Variants in BBOX1 observed in about 807,000 individuals in gnomAD.
BBOX1 encodes gamma-butyrobetaine dioxygenase.
Under a neutral mutation model 41.6 loss-of-function variants are expected in BBOX1, and 35 were observed. That is an observed-to-expected ratio of 0.84 (90% CI 0.64 to 1.11). The LOEUF (loss-of-function observed/expected upper bound fraction) is 1.11. BBOX1 is among the 50% of genes most tolerant of loss of function. The pLI, the probability that BBOX1 is intolerant of heterozygous loss-of-function variation, is 0.00. For missense variants in BBOX1, 458 were observed against 460.6 expected (o/e 0.99, Z 0.05); for synonymous variants, 163 against 154.7 (o/e 1.05, Z -0.40).
In BBOX1 at chr11:27,113,022, C is replaced by T. The variant is rs1385584410; in HGVS notation, c.534-2430C>T. 7.9e-5 allele frequency among the ~76,000 whole-genome samples: 12 copies of T among 152,046 alleles called. No individual in the cohort carries two copies. In the East Asian group the frequency reaches 9.7e-4, roughly 12 times the overall value. Reference sequence around the variant, plus strand: ...TGAACAGACACTTTTCAAAAGAAGACGTATACACAGCCAACAAGCATATGA... The same window carrying T: ...TGAACAGACACTTTTCAAAAGAAGATGTATACACAGCCAACAAGCATATGA... On this transcript the variant is annotated intron_variant, in intron 5 of 8. Coordinates refer to ENST00000263182, the MANE Select transcript of BBOX1 (RefSeq NM_003986.3).
chr11:27,048,275 G>GCCCTGGCACCCACTGTTCTACT (rs1403730147), intron 2 of BBOX1, among the ~76,000 whole-genome samples: 34 of 151,950 alleles, frequency 2.2e-4, no homozygotes, highest in African/African-American at 7.5e-4. Flanking sequence ...CACCTCCCAG[G>GCCCTGGCACCCACTGTTCTACT]CCCTGGCACC....
At chr11:27,084,201 G>A (rs1475517767) in intron 4 of BBOX1, among the ~76,000 whole-genome samples, 1 of 152,170 alleles carries the variant, frequency 6.6e-6, no homozygotes, top group Non-Finnish European at 1.5e-5. Context: ...ATATCCTACA[G>A]TGTCCCTATG....
intron 5 of BBOX1, among the ~76,000 whole-genome samples, chr11:27,101,402 C>A (rs1858649766): frequency 6.6e-6 from 1 of 152,060 alleles, no homozygotes; most frequent in South Asian, 2.1e-4. Flanking sequence ...ATACCCAATT[C>A]TTGTTCTAAT....
intron 5 of BBOX1, among the ~76,000 whole-genome samples, chr11:27,103,527 G>A (rs117784358): frequency 7.9e-5 from 12 of 151,618 alleles, no homozygotes; most frequent in South Asian, 2.1e-4. Flanking sequence ...TCCTAGTTAC[G>A]TTTATTTGAT....
chr11:27,121,793 T>A (rs1235952091), intron 7 of BBOX1, among the ~76,000 whole-genome samples: 2 of 152,190 alleles, frequency 1.3e-5, no homozygotes, highest in Non-Finnish European at 2.9e-5. Context: ...TAAAAATTCA[T>A]GACAAATCAA....
chr11:27,054,467 T>C (rs779514761), intron 2 of BBOX1, among the ~76,000 whole-genome samples: 63 of 152,170 alleles, frequency 4.1e-4, no homozygotes, highest in Non-Finnish European at 6.0e-4. Context: ...ATGTAAAACA[T>C]TGGCATGGTT....
Position 27,119,827 on chromosome 11 carries a change from C to A in BBOX1, c.818C>A (p.Ser273Ter), listed in dbSNP as rs775216088. 9 of 1,523,756 alleles carry A rather than the reference C, an allele frequency of 5.9e-6. No homozygotes were observed. The African/African-American group carries it at 1.3e-4, about 22-fold the overall frequency. 94.4% of individuals were successfully genotyped at this position (1,523,756 alleles called of 1,614,324 possible). The stretch of plus-strand genomic sequence containing the variant: ...GATTACTGTGATTTTTCTGTACAAT[C>A]AAAACATAAAATTATAGAGTAAGTA... ...GVDYCDFSVQ[S>*]KHKIIELDDK... The change falls in exon 7 of 9, where the codon TCA becomes TAA. Residue 273 changes from serine to a stop codon, truncating the protein, a stop_gained. Coordinates refer to ENST00000263182, the MANE Select transcript of BBOX1 (RefSeq NM_003986.3). LOFTEE classifies it high-confidence loss of function.
intron 4 of BBOX1, among the ~76,000 whole-genome samples, chr11:27,088,104 A>G (rs1156564316): frequency 6.6e-6 from 1 of 152,034 alleles, no homozygotes; most frequent in African/African-American, 2.4e-5. Flanking sequence ...GTGCTATTTT[A>G]TAATGGAAAA....
intron 4 of BBOX1, among the ~76,000 whole-genome samples, chr11:27,082,812 T>G (rs1407300251): frequency 1.3e-5 from 2 of 152,192 alleles, no homozygotes; most frequent in Non-Finnish European, 2.9e-5. Flanking sequence ...TATGGTTTCT[T>G]TATTATTTTA....
intron 4 of BBOX1, among the ~76,000 whole-genome samples, chr11:27,086,748 C>A (rs1378817140): frequency 6.6e-6 from 1 of 152,072 alleles, no homozygotes; most frequent in Non-Finnish European, 1.5e-5. Context: ...CCTCTGATGG[C>A]TGTGGGCAAA....
intron 4 of BBOX1, among the ~76,000 whole-genome samples, chr11:27,065,284 C>T (rs1300804790): frequency 6.6e-6 from 1 of 152,172 alleles, no homozygotes; most frequent in East Asian, 1.9e-4. Flanking sequence ...TAAGTGAATA[C>T]AGCTATCTCA....
intron 4 of BBOX1, among the ~76,000 whole-genome samples, chr11:27,057,890 A>C (rs1404655967): frequency 2.6e-5 from 4 of 152,082 alleles, no homozygotes. Flanking sequence ...AAACAGAACA[A>C]TGTTCAGAAA....
At chr11:27,114,046 G>T (rs577177119) in intron 5 of BBOX1, among the ~76,000 whole-genome samples, 1 of 151,932 alleles carries the variant, frequency 6.6e-6, no homozygotes, top group South Asian at 2.1e-4. Flanking sequence ...GCTAATGAAT[G>T]AATTTAGCAA....
intron 4 of BBOX1, among the ~76,000 whole-genome samples, chr11:27,090,928 A>T (rs1313777371): frequency 2.0e-5 from 3 of 151,892 alleles, no homozygotes; most frequent in Non-Finnish European, 2.9e-5. Context: ...GAAGAAAAAC[A>T]TGGCTCTTTT....
In BBOX1 at chr11:27,120,360, A is replaced by G. The variant is rs12291206; in HGVS notation, c.836+515A>G. 9.0e-3 allele frequency among the ~76,000 whole-genome samples: 1,376 copies of G among 152,220 alleles called. 20 individuals carry two copies. The highest frequency in any genetic ancestry group is 0.032 in the African/African-American group (1,320 of 41,544). On this transcript the variant is annotated intron_variant, in intron 7 of 8. Transcript: ENST00000263182. ...ACTTCCCAATAAAGCTAGATGACTCAATCCCTAATTTCTGTCCAAGTCTAT... is the reference window on the plus strand; with the variant it reads ...ACTTCCCAATAAAGCTAGATGACTCGATCCCTAATTTCTGTCCAAGTCTAT...
intron 7 of BBOX1, among the ~76,000 whole-genome samples, chr11:27,124,866 G>A (rs1859594376): frequency 6.6e-6 from 1 of 152,090 alleles, no homozygotes; most frequent in Non-Finnish European, 1.5e-5. Flanking sequence ...ACATTGGCAT[G>A]GTCATAATCC....
chr11:27,058,235 A>G (rs556118337), intron 4 of BBOX1, among the ~76,000 whole-genome samples: 73 of 152,218 alleles, frequency 4.8e-4, no homozygotes, highest in African/African-American at 1.7e-3. Context: ...ACCTTCCATC[A>G]TGATTGTAAG....
At chr11:27,125,939 A>C in intron 8 of BBOX1, 119 bp downstream of exon 8, 1 of 1,072,824 alleles carries the variant, frequency 9.3e-7, no homozygotes, top group Non-Finnish European at 1.3e-6. Context: ...CAACAACAGA[A>C]TCTTGGTGAG....
At chr11:27,057,085 A>AAAAAAT in intron 3 of BBOX1, 116 bp from the exon 4 acceptor site, 1 of 389,070 alleles carries the variant, frequency 2.6e-6, no homozygotes. Flanking sequence ...AAAAAAAAAA[A>AAAAAAT]TTAAGCAAAG....
Sources: gnomAD v4.1 joint callset for allele counts (sites outside exome capture counted in the v4.1 genomes callset) on GRCh38, gnomAD v4.1.1 for gene constraint, MANE v1.5 for transcripts, NCBI Gene and HGNC (gene_info 2026-07-23, HGNC 2026-07-21) for gene names.